Variants in NCAPD2 observed in about 807,000 individuals in gnomAD.
NCAPD2 encodes condensin complex subunit 1.
A neutral mutation model predicts 164.5 loss-of-function variants in NCAPD2; 100 were observed. That is an observed-to-expected ratio of 0.61 (90% CI 0.52 to 0.72). The LOEUF is 0.72. Ranked by LOEUF, NCAPD2 falls within the 30% of genes least tolerant of loss-of-function variation. The pLI is 0.00. For synonymous variants in NCAPD2, 585 were observed against 642.6 expected (o/e 0.91, Z 1.36); for missense variants, 1,560 against 1,749.2 (o/e 0.89, Z 1.93).
At chr12:6,513,468 T>C (rs1169446187) in intron 6 of NCAPD2, among the ~76,000 whole-genome samples, 2 of 152,040 alleles carry the variant, frequency 1.3e-5, no homozygotes, top group Admixed American at 6.6e-5. Flanking sequence ...TGAGCCGTGA[T>C]TGCACCACTG....
chr12:6,509,173 G>T (rs144430024), intron 2 of NCAPD2, among the ~76,000 whole-genome samples: 2 of 152,026 alleles, frequency 1.3e-5, no homozygotes, highest in Admixed American at 1.3e-4. Flanking sequence ...AGTAGGCGTG[G>T]TACTGTCTGC....
intron 17 of NCAPD2, among the ~76,000 whole-genome samples, chr12:6,523,955 T>G (rs993104266): frequency 6.6e-6 from 1 of 152,188 alleles, no homozygotes; most frequent in African/African-American, 2.4e-5. Context: ...ACTCACACGT[T>G]ACTCACAGTA....
At chr12:6,508,554 A>G (rs1186799129) in intron 2 of NCAPD2, among the ~76,000 whole-genome samples, 4 of 152,246 alleles carry the variant, frequency 2.6e-5, no homozygotes, top group Non-Finnish European at 4.4e-5. Flanking sequence ...TAGCATTCCC[A>G]TTAGTAAATG....
At chr12:6,518,045 T>A in intron 13 of NCAPD2, 86 bp downstream of exon 13, 1 of 1,331,526 alleles carries the variant, frequency 7.5e-7, no homozygotes, top group African/African-American at 1.4e-5. Context: ...TCTTTTAAAT[T>A]AACTGCACAC....
chr12:6,503,014 T>G lies in NCAPD2; in HGVS notation c.128-6703T>G, dbSNP rs1479649611. On this transcript the variant is annotated intron_variant, in intron 2 of 31. Coordinates refer to ENST00000315579, the MANE Select transcript of NCAPD2 (RefSeq NM_014865.4). ...CGCATGCCACCACACCTGGCTTTTT[T>G]TTTTTTTTTTTTTTTGTATTTTTAT... is the stretch of plus-strand genomic sequence containing the variant. Among the ~76,000 whole-genome samples, 1,130 of 145,540 alleles carry G rather than the reference T, an allele frequency of 7.8e-3. 20 individuals carry two copies. Among genetic ancestry groups the G allele is most frequent in the African/African-American group, 0.027 (1,085 of 39,772 alleles).
chr12:6,520,242 TCTC>T (rs1219248635), intron 13 of NCAPD2, among the ~76,000 whole-genome samples: 1 of 151,644 alleles, frequency 6.6e-6, no homozygotes, highest in African/African-American at 2.4e-5. Context: ...AGTTTCCCAC[TCTC>T]CTCTTTTTTT....
At chr12:6,518,504 G>GTTTTTGTTTTTTTTGTTTTT (rs746627585) in intron 13 of NCAPD2, among the ~76,000 whole-genome samples, 1 of 44,774 alleles carries the variant, frequency 2.2e-5, no homozygotes, top group Non-Finnish European at 3.9e-5. Context: ...CCGTCAACAA[G>GTTTTTGTTTTTTTTGTTTTT]TTTTTTTTTT....
chr12:6,519,807 G>A (rs896966877), intron 13 of NCAPD2, among the ~76,000 whole-genome samples: 9 of 151,540 alleles, frequency 5.9e-5, no homozygotes, highest in African/African-American at 1.7e-4. Flanking sequence ...AGCAGAGGTT[G>A]CAGTGAGCTG....
intron 6 of NCAPD2, among the ~76,000 whole-genome samples, chr12:6,513,874 C>T (rs1946175093): frequency 6.6e-6 from 1 of 151,814 alleles, no homozygotes; most frequent in African/African-American, 2.4e-5. Context: ...CACCACCACA[C>T]CCAGCTAATT....
intron 10 of NCAPD2, 109 bp from the exon 11 acceptor site, chr12:6,517,256 G>A: frequency 1.4e-6 from 2 of 1,480,816 alleles, no homozygotes; most frequent in South Asian, 2.6e-5. Flanking sequence ...CTGTAGAAAG[G>A]GTTTTTAGAG....
chr12:6,520,282 C>A (rs1163522073), intron 13 of NCAPD2, among the ~76,000 whole-genome samples: 1 of 151,864 alleles, frequency 6.6e-6, no homozygotes, highest in Non-Finnish European at 1.5e-5. Context: ...CACTCTTTTG[C>A]CCATGCTGGA....
At position 6,526,572 on chromosome 12, in the gene NCAPD2, CCT is replaced by C; in HGVS notation, c.2692_2693del (p.Leu898GlyfsTer76). ...QILQGCAKQALEKLEEKRTSQ... is the reference protein window; with the variant it reads ...QILQGCAKQAXEKLEEKRTSQ... ...TATTGCAGGGCTGTGCAAAACAGGC[CCT>C]GGAGAAGCTAGAAGAGAAGAGAACC... On this transcript the variant is annotated frameshift_variant, in exon 21 of 32. Transcript: ENST00000315579. LOFTEE classifies it high-confidence loss of function. 1 of 1,614,100 alleles carries C rather than the reference CCT, an allele frequency of 6.2e-7. No individual in the cohort carries two copies. The highest frequency in any genetic ancestry group is 8.5e-7 in the Non-Finnish European group (1 of 1,179,994).
At chr12:6,504,214 T>TACAC (rs1225582051) in intron 2 of NCAPD2, among the ~76,000 whole-genome samples, 285 of 20,940 alleles carry the variant, frequency 0.014, 7 homozygotes, top group South Asian at 0.1. Context: ...TATATATATA[T>TACAC]ATAGATATAG....
chr12:6,515,118 A>G (rs1232118120), intron 9 of NCAPD2, among the ~76,000 whole-genome samples, 198 bp downstream of exon 9: 1 of 152,128 alleles, frequency 6.6e-6, no homozygotes, highest in Middle Eastern at 3.2e-3. Context: ...CTTTCAATTC[A>G]CATTGCTTTT....
intron 13 of NCAPD2, among the ~76,000 whole-genome samples, chr12:6,518,541 G>A (rs1243728244): frequency 3.3e-3 from 45 of 13,710 alleles, no homozygotes; most frequent in Non-Finnish European, 4.7e-3. Context: ...TTTTGAGATG[G>A]AGTCTCACTC....
At chr12:6,497,327 G>A (rs10849470) in intron 2 of NCAPD2, among the ~76,000 whole-genome samples, 23,767 of 148,916 alleles carry the variant, frequency 0.16, 2,146 homozygotes, top group East Asian at 0.31. Context: ...TGGAGTACAC[G>A]TACAGGATGT....
chr12:6,514,324 A>G lies in NCAPD2; in HGVS notation c.647A>G (p.Asn216Ser). The change falls in exon 7 of 32, where the codon AAC becomes AGC. Residue 216 changes from asparagine to serine, a missense_variant. Transcript: ENST00000315579. The stretch of plus-strand genomic sequence containing the variant: ...AATCCCACCATTAATCACCAGAAGA[A>G]CCGCCCCACTCGGGAAGCCATAACA... ...LENPTINHQKNRPTREAITHL... is the reference protein window; with the variant it reads ...LENPTINHQKSRPTREAITHL... The G allele has an allele frequency of 1.9e-6, 3 of 1,614,122 alleles. No individual in the cohort carries two copies. Among genetic ancestry groups the G allele is most frequent in the Non-Finnish European group, 2.5e-6 (3 of 1,180,018 alleles).
chr12:6,518,519 T>TGTTTTGTTTTTTTTTTG (rs1247184637), intron 13 of NCAPD2, among the ~76,000 whole-genome samples: 1 of 116,100 alleles, frequency 8.6e-6, no homozygotes, highest in African/African-American at 3.5e-5. Context: ...TTTTTTTTTT[T>TGTTTTGTTTTTTTTTTG]TTTTTTTTTT....
At chr12:6,496,916 C>G (rs971236219) in intron 2 of NCAPD2, among the ~76,000 whole-genome samples, 2 of 152,190 alleles carry the variant, frequency 1.3e-5, no homozygotes, top group African/African-American at 4.8e-5. Context: ...GTCAAGGTCA[C>G]CAAGAAGTCA....
Sources: allele counts gnomAD v4.1 joint callset (sites outside exome capture counted in the v4.1 genomes callset), GRCh38; gene constraint gnomAD v4.1.1; transcripts MANE v1.5; gene names NCBI Gene and HGNC (gene_info 2026-07-23, HGNC 2026-07-21).